The following MGAT5 variants were observed in gnomAD, a reference collection of about 807,000 sequenced individuals.
The protein encoded by MGAT5 is alpha-1,6-mannosylglycoprotein 6-beta-N-acetylglucosaminyltransferase, also known as alpha-1,6-mannosylglycoprotein 6-beta-N-acetylglucosaminyltransferase A.
A neutral mutation model predicts 94.3 loss-of-function variants in MGAT5; 30 were observed. The observed-to-expected ratio is 0.32, with a 90% CI of 0.24 to 0.43. MGAT5 has a LOEUF of 0.43. MGAT5 is among the 20% of genes least tolerant of loss of function. The pLI is 1.00. For synonymous variants in MGAT5, 310 were observed against 322.9 expected (o/e 0.96, Z 0.43); for missense variants, 691 against 905.5 (o/e 0.76, Z 3.04).
In MGAT5 at chr2:134,412,795, A is replaced by G. The variant is rs28461431; in HGVS notation, c.1531-74A>G. 8.4e-3 allele frequency: 13,167 copies of G among 1,573,374 alleles called. 468 individuals carry two copies. The African/African-American group carries it at 0.11, about 13-fold the overall frequency. ...AATGGGCCACAGAATCGCCGCCTGC[A>G]AGCTAGGAATGCCCGTCCTGCCTGA... On this transcript the variant is annotated intron_variant, in intron 11 of 15. Transcript: ENST00000281923.
At chr2:134,263,329 T>A (rs187601295) in intron 1 of MGAT5, among the ~76,000 whole-genome samples, 55 of 152,296 alleles carry the variant, frequency 3.6e-4, no homozygotes, top group African/African-American at 1.2e-3. Flanking sequence ...CTAGAAAGGA[T>A]CTTTTACCAG....
intron 1 of MGAT5, among the ~76,000 whole-genome samples, chr2:134,221,946 C>G (rs983087456): frequency 6.6e-6 from 1 of 152,162 alleles, no homozygotes; most frequent in Non-Finnish European, 1.5e-5. Flanking sequence ...TCCCATGGCT[C>G]TAGGAACGCT....
chr2:134,336,751 G>A (rs1175951268), intron 5 of MGAT5, among the ~76,000 whole-genome samples: 1 of 152,148 alleles, frequency 6.6e-6, no homozygotes, highest in East Asian at 1.9e-4. Context: ...TCTCTCGTGT[G>A]GGAAAATGAG....
intron 1 of MGAT5, among the ~76,000 whole-genome samples, chr2:134,194,525 C>T (rs562920268): frequency 2.0e-4 from 31 of 152,208 alleles, no homozygotes; most frequent in Middle Eastern, 3.4e-3. Context: ...AGATGAGATA[C>T]GTCTGTGTGC....
chr2:134,399,764 G>C (rs1226080272), intron 10 of MGAT5, among the ~76,000 whole-genome samples: 1 of 152,152 alleles, frequency 6.6e-6, no homozygotes, highest in East Asian at 1.9e-4. Context: ...TCTTAGATCA[G>C]TGGGACATAC....
At chr2:134,132,361 A>G (rs894794695) in intron 1 of MGAT5, among the ~76,000 whole-genome samples, 2 of 152,194 alleles carry the variant, frequency 1.3e-5, no homozygotes, top group African/African-American at 4.8e-5. Context: ...CCCTGGAGTA[A>G]GAAATACATG....
intron 2 of MGAT5, among the ~76,000 whole-genome samples, chr2:134,294,658 TTC>T (rs1490417111): frequency 2.0e-5 from 3 of 152,204 alleles, no homozygotes; most frequent in Non-Finnish European, 4.4e-5. Flanking sequence ...TGTGCTAACA[TTC>T]TTAAATATCT....
At chr2:134,346,305 G>T (rs887516453) in intron 8 of MGAT5, among the ~76,000 whole-genome samples, 3 of 152,142 alleles carry the variant, frequency 2.0e-5, no homozygotes, top group African/African-American at 7.2e-5. Flanking sequence ...TTATTAAAAT[G>T]GTCACCGTTG....
At position 134,273,864 on chromosome 2, in the gene MGAT5, G is replaced by T. The variant is rs952671213; in HGVS notation, c.406+3314G>T. ...TTGTTGAAGAGAAAGGGGACTCAAA[G>T]GAATGAAAAAGCAGATTTTTAAAAT... On this transcript the variant is annotated intron_variant, in intron 2 of 15. Coordinates refer to ENST00000281923, the MANE Select transcript of MGAT5 (RefSeq NM_002410.5). Among the ~76,000 whole-genome samples the T allele has an allele frequency of 1.3e-5, 2 of 152,112 alleles. 1 individual carries two copies. Among genetic ancestry groups the T allele is most frequent in the African/African-American group, 4.8e-5 (2 of 41,426 alleles).
rs1681001318 is a variant in MGAT5 at position 134,225,218 on chromosome 2, T to A, written c.-142-29044T>A. Among the ~76,000 whole-genome samples the A allele has an allele frequency of 2.7e-5, 4 of 150,276 alleles. No individual in the cohort carries two copies. The South Asian group carries it at 8.4e-4, about 32-fold the overall frequency. On this transcript the variant is annotated intron_variant, in intron 1 of 16. Coordinates refer to the MGAT5 transcript ENST00000409645. ...TGGTGTCCACTGCAAGGAACAAAGG[T>A]GGTTATGGGTTCCCACTGGTGCTCC...
At chr2:134,367,922 G>GGT (rs1680537148) in intron 10 of MGAT5, among the ~76,000 whole-genome samples, 1 of 152,236 alleles carries the variant, frequency 6.6e-6, no homozygotes, top group South Asian at 2.1e-4. Flanking sequence ...CATCATTTAA[G>GGT]GTGGTACAGG....
chr2:134,350,041 T>C, intron 9 of MGAT5, 103 bp downstream of exon 9: 1 of 1,256,770 alleles, frequency 8.0e-7, no homozygotes, highest in Non-Finnish European at 1.1e-6. Context: ...GACCATTAGC[T>C]GTAGAAGTGT....
intron 2 of MGAT5, among the ~76,000 whole-genome samples, chr2:134,293,301 CTTGTGCTGTGATTT>C (rs1685483424): frequency 1.3e-5 from 2 of 152,210 alleles, no homozygotes; most frequent in East Asian, 3.9e-4. Flanking sequence ...AGGCTGGTTA[CTTGTGCTGTGATTT>C]TAGTATACGT....
intron 2 of MGAT5, among the ~76,000 whole-genome samples, chr2:134,312,250 C>T (rs1686720615): frequency 6.6e-6 from 1 of 151,926 alleles, no homozygotes; most frequent in East Asian, 1.9e-4. Flanking sequence ...AAAAACAAAA[C>T]AACAAAAAAA....
rs1422022193 is a variant in MGAT5 at position 134,454,591 on chromosome 2, C to CTT, written c.*5746_*5747dup. The CTT allele has an allele frequency of 1.3e-5, 2 of 152,052 alleles. No individual in the cohort carries two copies. The highest frequency in any genetic ancestry group is 2.9e-5 in the Non-Finnish European group (2 of 68,026). 9.4% of individuals were successfully genotyped at this position (152,052 alleles called of 1,614,324 possible). On this transcript the variant is annotated 3_prime_UTR_variant, in exon 16 of 16. Coordinates refer to ENST00000281923, the MANE Select transcript of MGAT5 (RefSeq NM_002410.5). ...CTGTTGTAGAGAAAACTAGGGAGAA[C>CTT]TTTATTTTTCAATAAACTTTTCTTG...
chr2:134,406,946 G>T (rs1683375065), intron 11 of MGAT5, among the ~76,000 whole-genome samples: 1 of 152,150 alleles, frequency 6.6e-6, no homozygotes, highest in Admixed American at 6.5e-5. Context: ...TCCTGCAGCT[G>T]CATGAGGGCA....
chr2:134,446,069 G>A (rs1234629809), intron 15 of MGAT5, among the ~76,000 whole-genome samples: 6 of 152,134 alleles, frequency 3.9e-5, no homozygotes, highest in African/African-American at 7.2e-5. Flanking sequence ...TTCCACAGCC[G>A]AATCCATCAG....
At chr2:134,357,334 A>G (rs2106088922) in intron 9 of MGAT5, among the ~76,000 whole-genome samples, 1 of 152,304 alleles carries the variant, frequency 6.6e-6, no homozygotes, top group African/African-American at 2.4e-5. Flanking sequence ...TGTCAGTATC[A>G]TTGATATTCC....
At chr2:134,419,442 T>TGTG (rs778375692) in intron 12 of MGAT5, among the ~76,000 whole-genome samples, 1 of 134,136 alleles carries the variant, frequency 7.5e-6, no homozygotes, top group Non-Finnish European at 1.6e-5. Flanking sequence ...GCTTCAGGGT[T>TGTG]TGTGTGTGTG....
Sources: allele counts gnomAD v4.1 joint callset (sites outside exome capture counted in the v4.1 genomes callset), GRCh38; gene constraint gnomAD v4.1.1; transcripts MANE v1.5; gene names NCBI Gene and HGNC (gene_info 2026-07-23, HGNC 2026-07-21).